PSMG2: variants seen among roughly 807,000 people sequenced by gnomAD.
PSMG2 encodes proteasome assembly chaperone 2.
Under a neutral mutation model 31.5 loss-of-function variants are expected in PSMG2, and 21 were observed. The ratio of observed to expected loss-of-function variants is 0.67; its 90% CI spans 0.47 to 0.96. PSMG2 has a LOEUF of 0.96. Ranked by LOEUF, PSMG2 falls within the 40% of genes least tolerant of loss-of-function variation. The pLI is 0.00. For synonymous variants in PSMG2, 120 were observed against 110.4 expected, an observed-to-expected ratio of 1.09 and a Z score of -0.54; for missense variants, 318 against 321.2, an observed-to-expected ratio of 0.99 and a Z score of 0.08.
At chr18:12,690,923 T>A (rs914795412) in intron 1 of PSMG2, among the ~76,000 whole-genome samples, 2 of 150,568 alleles carry the variant, frequency 1.3e-5, no homozygotes, top group Non-Finnish European at 3.0e-5. Context: ...TAACAAAAAA[T>A]ATATATATGC....
At chr18:12,702,415 CG>C, upstream of PSMG2, 1 of 1,234,498 alleles carries the variant, frequency 8.1e-7, no homozygotes, top group Non-Finnish European at 1.2e-6. Flanking sequence ...GCTGTCGGCC[CG>C]GGGCCGCCGG....
intron 1 of PSMG2, 124 bp downstream of exon 1, chr18:12,703,288 G>A (rs2040218684): frequency 8.5e-7 from 1 of 1,179,422 alleles, no homozygotes; most frequent in Non-Finnish European, 1.2e-6. Flanking sequence ...TCATGTTTTC[G>A]GCCGGAAAAA....
intron 5 of PSMG2, among the ~76,000 whole-genome samples, chr18:12,723,468 T>C (rs2040449091): frequency 6.6e-6 from 1 of 152,144 alleles, no homozygotes; most frequent in Non-Finnish European, 1.5e-5. Flanking sequence ...CTTTTTTTCT[T>C]CATTTGCGAC....
At chr18:12,710,729 C>T (rs1248286091) in intron 2 of PSMG2, among the ~76,000 whole-genome samples, 1 of 152,098 alleles carries the variant, frequency 6.6e-6, no homozygotes, top group Non-Finnish European at 1.5e-5. Context: ...GGGCAGAATA[C>T]AGAAAAGGTG....
intron 1 of PSMG2, chr18:12,697,521 CAATTTG>C (rs2039998493): frequency 2.8e-6 from 2 of 720,482 alleles, no homozygotes; most frequent in Non-Finnish European, 4.3e-6. Flanking sequence ...CCAAAGAGAA[CAATTTG>C]CTAATGTCTC....
intron 1 of PSMG2, among the ~76,000 whole-genome samples, chr18:12,676,748 G>C (rs760253586): frequency 6.6e-6 from 1 of 152,144 alleles, no homozygotes; most frequent in Non-Finnish European, 1.5e-5. Flanking sequence ...TATTACAAAT[G>C]CCAGGTTTTC....
rs536597562 is a variant in PSMG2, at chr18:12,696,102, T to C, written c.-36-10448T>C. Among the ~76,000 whole-genome samples the C allele has an allele frequency of 4.6e-5, 7 of 152,354 alleles. No homozygotes were observed. In the South Asian group the frequency reaches 1.2e-3, roughly 27 times the overall value. ...GCTACGATTATCATGTTAGGCCTAT[T>C]TTTGAAGACAAATTGGGTATTGTTT... is the stretch of plus-strand genomic sequence containing the variant. On this transcript the variant is annotated intron_variant, in intron 1 of 6. Coordinates refer to the PSMG2 transcript ENST00000585331.
rs969352270 is a variant in PSMG2, at chr18:12,718,556, G to A, written c.328G>A (p.Val110Met). The A allele has an allele frequency of 6.2e-7, 1 of 1,611,732 alleles. No homozygotes were observed. The highest frequency in any genetic ancestry group is 8.5e-7 in the Non-Finnish European group (1 of 1,178,548). The change falls in exon 4 of 7, where the codon GTG (valine) becomes ATG (methionine). Residue 110 changes from valine (V) to methionine (M), a missense_variant. Coordinates refer to ENST00000317615, the MANE Select transcript of PSMG2 (RefSeq NM_020232.5). ...KPFCEKLLSW[V>M]KSSGCARVIV... ...ATTCTGTGAAAAACTGCTTTCCTGG[G>A]TGAAAAGCAGTGGCTGTGCCAGAGT...
At position 12,703,224 on chromosome 18, in the gene PSMG2, C is replaced by G; in HGVS notation, c.57+60C>G. 2.0e-6 allele frequency: 3 copies of G among 1,525,990 alleles called. No individual in the cohort carries two copies. In the South Asian group the frequency reaches 3.6e-5, roughly 18 times the overall value. The allele number at this position is 1,525,990 out of a possible 1,614,324, so 94.5% of individuals were successfully genotyped here. ...CCGAGGCCCCTGCGGTGTCGCCACC[C>G]CGACGCGGGGTGTTTGGCGGTGCCT... On this transcript the variant is annotated intron_variant, in intron 1 of 6. Transcript: ENST00000317615.
chr18:12,683,484 A>G (rs576407239), intron 1 of PSMG2, among the ~76,000 whole-genome samples: 2 of 151,944 alleles, frequency 1.3e-5, no homozygotes, highest in African/African-American at 4.8e-5. Context: ...TAAAACACTC[A>G]TTAAAAAACG....
intron 1 of PSMG2, among the ~76,000 whole-genome samples, chr18:12,688,113 C>T (rs2039610289): frequency 6.6e-6 from 1 of 151,630 alleles, no homozygotes; most frequent in Admixed American, 6.6e-5. Context: ...GGCATGTGGT[C>T]CCAGCAACTT....
chr18:12,715,864 T>TA (rs2040371190), intron 3 of PSMG2, among the ~76,000 whole-genome samples: 1 of 152,204 alleles, frequency 6.6e-6, no homozygotes, highest in African/African-American at 2.4e-5. Context: ...AAATCATAAA[T>TA]ATACAGCTTG....
upstream of PSMG2, chr18:12,702,461 C>T (rs1225748081): frequency 1.3e-6 from 2 of 1,573,310 alleles, no homozygotes; most frequent in East Asian, 4.6e-5. Context: ...GCCCGGCGGT[C>T]TCTCCCAGCA....
chr18:12,703,245 T>G (rs1598675653), intron 1 of PSMG2, 81 bp downstream of exon 1: 1 of 1,441,120 alleles, frequency 6.9e-7, no homozygotes, highest in Non-Finnish European at 9.4e-7. Flanking sequence ...TGTTTGGCGG[T>G]GCCTTGGGAG....
At chr18:12,698,786 C>T (rs951423655), upstream of PSMG2, 3 of 565,826 alleles carry the variant, frequency 5.3e-6, no homozygotes, top group African/African-American at 5.6e-5. Flanking sequence ...AAATAATATC[C>T]AGGGAAAATG....
intron 1 of PSMG2, chr18:12,661,976 G>T: frequency 3.9e-6 from 1 of 254,472 alleles, no homozygotes; most frequent in Non-Finnish European, 8.0e-6. Flanking sequence ...TGTTGATTTT[G>T]TTACTTTATT....
chr18:12,718,345 T>C (rs753718304), intron 3 of PSMG2, among the ~76,000 whole-genome samples, 172 bp from the exon 4 acceptor site: 1 of 152,226 alleles, frequency 6.6e-6, no homozygotes, highest in Non-Finnish European at 1.5e-5. Flanking sequence ...AATTCATTGC[T>C]CTTTATCATT....
chr18:12,722,882 A>T (rs142532867), intron 5 of PSMG2, among the ~76,000 whole-genome samples: 1 of 152,216 alleles, frequency 6.6e-6, no homozygotes, highest in African/African-American at 2.4e-5. Context: ...AAATGCAAGC[A>T]CAGCCTCGGA....
chr18:12,695,317 A>G (rs144357859), intron 1 of PSMG2: 71 of 1,568,734 alleles, frequency 4.5e-5, no homozygotes, highest in Non-Finnish European at 5.8e-5. Flanking sequence ...CAAGTTTTAT[A>G]TTTAAAATTC....
Sources: gnomAD v4.1 joint callset for allele counts (sites outside exome capture counted in the v4.1 genomes callset) on GRCh38, gnomAD v4.1.1 for gene constraint, MANE v1.5 for transcripts, NCBI Gene and HGNC (gene_info 2026-07-23, HGNC 2026-07-21) for gene names.